SPIDR: variants seen among roughly 807,000 people sequenced by gnomAD.
SPIDR encodes DNA repair-scaffolding protein.
Under a neutral mutation model 104.6 loss-of-function variants are expected in SPIDR, and 93 were observed. That is an observed-to-expected ratio of 0.89 (90% CI 0.75 to 1.06). The LOEUF (loss-of-function observed/expected upper bound fraction) is 1.06. SPIDR is among the 50% of genes least tolerant of loss of function. SPIDR has a pLI of 0.00. For synonymous variants in SPIDR, 431 were observed against 416.9 expected (o/e 1.03, Z -0.41); for missense variants, 1,154 against 1,111.2 (o/e 1.04, Z -0.55).
At chr8:47,597,370 C>T (rs932041279) in intron 9 of SPIDR, among the ~76,000 whole-genome samples, 9 of 152,094 alleles carry the variant, frequency 5.9e-5, no homozygotes, top group Non-Finnish European at 1.0e-4. Flanking sequence ...TACCCCTTTC[C>T]CCCACTCCAC....
chr8:47,485,266 A>G (rs1554730191), intron 8 of SPIDR, among the ~76,000 whole-genome samples: 2 of 152,238 alleles, frequency 1.3e-5, no homozygotes, highest in African/African-American at 4.8e-5. Flanking sequence ...CAGCTAGTAC[A>G]GTCTGAGATC....
intron 8 of SPIDR, among the ~76,000 whole-genome samples, chr8:47,481,538 G>C (rs1248211577): frequency 3.3e-5 from 5 of 152,232 alleles, no homozygotes; most frequent in African/African-American, 7.2e-5. Flanking sequence ...CTACTCTGGA[G>C]TCTGAGGCAG....
chr8:47,348,088 G>GTTGTTCCT (rs1258539361), intron 5 of SPIDR, among the ~76,000 whole-genome samples: 1 of 152,158 alleles, frequency 6.6e-6, no homozygotes, highest in Non-Finnish European at 1.5e-5. Flanking sequence ...GCTGGTACTG[G>GTTGTTCCT]TTGTTCCTTT....
intron 5 of SPIDR, among the ~76,000 whole-genome samples, chr8:47,299,097 T>C (rs2041506318): frequency 1.3e-5 from 2 of 152,206 alleles, no homozygotes; most frequent in Non-Finnish European, 2.9e-5. Context: ...CATGGAATGT[T>C]CTTCCATTTG....
chr8:47,532,658 A>G (rs757121400), intron 8 of SPIDR, among the ~76,000 whole-genome samples: 20 of 152,246 alleles, frequency 1.3e-4, no homozygotes, highest in Non-Finnish European at 2.6e-4. Flanking sequence ...TAGAACTGCA[A>G]AGTAAAACAG....
intron 5 of SPIDR, among the ~76,000 whole-genome samples, chr8:47,336,065 C>G (rs2049674093): frequency 6.6e-6 from 1 of 151,942 alleles, no homozygotes; most frequent in African/African-American, 2.4e-5. Flanking sequence ...TTCTCTGCTT[C>G]TGGTATTCCC....
intron 14 of SPIDR, among the ~76,000 whole-genome samples, chr8:47,708,677 C>G (rs977564206): frequency 6.6e-6 from 1 of 152,148 alleles, no homozygotes; most frequent in Admixed American, 6.6e-5. Flanking sequence ...CGTGTTTATT[C>G]CCCCTCCCCA....
intron 8 of SPIDR, among the ~76,000 whole-genome samples, chr8:47,486,441 C>A (rs562283130): frequency 6.6e-6 from 1 of 152,280 alleles, no homozygotes; most frequent in South Asian, 2.1e-4. Context: ...GGATATTATC[C>A]AGGAGAACTT....
chr8:47,622,799 C>G (rs1563341427), intron 10 of SPIDR, among the ~76,000 whole-genome samples: 1 of 152,106 alleles, frequency 6.6e-6, no homozygotes, highest in Non-Finnish European at 1.5e-5. Flanking sequence ...TGCAAGTAAC[C>G]TCATACATTA....
At chr8:47,615,885 T>C (rs2064240269) in intron 10 of SPIDR, among the ~76,000 whole-genome samples, 1 of 152,206 alleles carries the variant, frequency 6.6e-6, no homozygotes, top group Non-Finnish European at 1.5e-5. Flanking sequence ...GGAGTTTTCA[T>C]TGTACAAGTC....
intron 11 of SPIDR, 76 bp downstream of exon 11, chr8:47,674,017 A>G (rs2076119634): frequency 6.7e-7 from 1 of 1,500,932 alleles, no homozygotes; most frequent in Non-Finnish European, 8.9e-7. Flanking sequence ...CTCTAATTTT[A>G]TTTTTAAAAT....
At chr8:47,399,266 G>T (rs1418794197) in intron 6 of SPIDR, among the ~76,000 whole-genome samples, 1 of 152,166 alleles carries the variant, frequency 6.6e-6, no homozygotes, top group Non-Finnish European at 1.5e-5. Flanking sequence ...ACAAATGGGG[G>T]TGACCTTGTC....
At chr8:47,305,833 T>C (rs1433748641) in intron 5 of SPIDR, among the ~76,000 whole-genome samples, 1 of 152,244 alleles carries the variant, frequency 6.6e-6, no homozygotes, top group African/African-American at 2.4e-5. Flanking sequence ...ACATAAAATT[T>C]ACTATTTTGA....
intron 5 of SPIDR, among the ~76,000 whole-genome samples, chr8:47,363,721 A>T (rs1187129355): frequency 1.1e-4 from 17 of 152,056 alleles, no homozygotes; most frequent in African/African-American, 3.6e-4. Flanking sequence ...TGCCATCCAT[A>T]GAACTGAACT....
intron 7 of SPIDR, among the ~76,000 whole-genome samples, chr8:47,438,177 C>G (rs1276853268): frequency 3.9e-4 from 59 of 152,206 alleles, no homozygotes; most frequent in Non-Finnish European, 1.0e-4. Context: ...AGCTGGCACA[C>G]TTGAACTTGA....
chr8:47,423,708 G>A (rs1011512583), intron 7 of SPIDR, among the ~76,000 whole-genome samples: 1 of 152,180 alleles, frequency 6.6e-6, no homozygotes, highest in African/African-American at 2.4e-5. Flanking sequence ...GGGTGGGCAG[G>A]GGAGCCCAGA....
chr8:47,469,799 C>A (rs1432891117), intron 8 of SPIDR, among the ~76,000 whole-genome samples: 1 of 152,068 alleles, frequency 6.6e-6, no homozygotes, highest in Non-Finnish European at 1.5e-5. Context: ...ATGAAATAAT[C>A]CGTACAACAA....
chr8:47,421,118 G>GT (rs2065373763), intron 7 of SPIDR, among the ~76,000 whole-genome samples: 1 of 152,132 alleles, frequency 6.6e-6, no homozygotes, highest in African/African-American at 2.4e-5. Context: ...CAGTATCTTT[G>GT]TGCTGTTCTC....
chr8:47,480,027 GA>G (rs1224818115), intron 8 of SPIDR, among the ~76,000 whole-genome samples: 2 of 152,188 alleles, frequency 1.3e-5, no homozygotes, highest in Non-Finnish European at 2.9e-5. Flanking sequence ...GGCTCAGGGT[GA>G]AAGAAAAAGT....
Sources: allele counts gnomAD v4.1 joint callset (sites outside exome capture counted in the v4.1 genomes callset), GRCh38; gene constraint gnomAD v4.1.1; transcripts MANE v1.5; gene names NCBI Gene and HGNC (gene_info 2026-07-23, HGNC 2026-07-21).